The following UBR2 variants were observed in gnomAD, a reference collection of about 807,000 sequenced individuals.
The protein encoded by UBR2 is E3 ubiquitin-protein ligase UBR2.
Under a neutral mutation model 247.9 loss-of-function variants are expected in UBR2, and 92 were observed. The ratio of observed to expected loss-of-function variants is 0.37; its 90% CI spans 0.31 to 0.44. UBR2 has a LOEUF of 0.44. Among genes scored for constraint, UBR2 ranks in the 20% least tolerant of loss-of-function variants. UBR2 has a pLI of 1.00. For synonymous variants in UBR2, 672 were observed against 693.5 expected (o/e 0.97, Z 0.49); for missense variants, 1,613 against 2,112.6 (o/e 0.76, Z 4.64).
At chr6:42,608,207 A>G (rs550315201) in intron 7 of UBR2, among the ~76,000 whole-genome samples, 112 of 152,236 alleles carry the variant, frequency 7.4e-4, no homozygotes, top group African/African-American at 2.6e-3. Flanking sequence ...GCTTTACTAG[A>G]TTTTGCCTAG....
chr6:42,607,153 T>C (rs1308017483), intron 7 of UBR2, among the ~76,000 whole-genome samples: 1 of 151,678 alleles, frequency 6.6e-6, no homozygotes, highest in Non-Finnish European at 1.5e-5. Flanking sequence ...TATGTAAATA[T>C]TCTTTTTAAA....
chr6:42,603,756 T>C lies in UBR2; in HGVS notation c.662+38T>C. On this transcript the variant is annotated intron_variant, in intron 5 of 46. Coordinates refer to ENST00000372901, the MANE Select transcript of UBR2 (RefSeq NM_001363705.2). Reference sequence around the variant, plus strand: ...TGTTTATTCTTCATGTATGAAGAACTGCTAAATTTTAACTTTAACACAGCT... The same window carrying C: ...TGTTTATTCTTCATGTATGAAGAACCGCTAAATTTTAACTTTAACACAGCT... 3.9e-6 allele frequency: 6 copies of C among 1,552,846 alleles called. No homozygotes were observed. The South Asian group carries it at 5.0e-5, about 13-fold the overall frequency.
At chr6:42,633,642 C>T (rs1795898643) in intron 13 of UBR2, among the ~76,000 whole-genome samples, 1 of 152,084 alleles carries the variant, frequency 6.6e-6, no homozygotes, top group Non-Finnish European at 1.5e-5. Flanking sequence ...CCACCCACCT[C>T]AACCTCCCAG....
chr6:42,654,622 G>A (rs920908661), intron 25 of UBR2, among the ~76,000 whole-genome samples: 39 of 152,136 alleles, frequency 2.6e-4, no homozygotes, highest in African/African-American at 8.7e-4. Flanking sequence ...CTACTCAGGA[G>A]GGCTCAGGAG....
At chr6:42,687,615 A>G (rs1394291839) in intron 44 of UBR2, among the ~76,000 whole-genome samples, 2 of 152,080 alleles carry the variant, frequency 1.3e-5, no homozygotes, top group African/African-American at 2.4e-5. Flanking sequence ...ATCTTGGCTC[A>G]CAGCAACCTC....
At position 42,594,268 on chromosome 6, in the gene UBR2, A is replaced by G. The variant is rs1792835825; in HGVS notation, c.495A>G (p.Lys165=). 6.2e-7 allele frequency: 1 copy of G among 1,612,938 alleles called. No homozygotes were observed. The highest frequency in any genetic ancestry group is 1.3e-5 in the African/African-American group (1 of 75,020). ...EAWKEGPYCQ[K]HELNTSEIEE... ...GGAAAGAGGGTCCTTACTGTCAAAAACATGAACTTAACACCTCTGAAATTG... is the reference window on the plus strand; with the variant it reads ...GGAAAGAGGGTCCTTACTGTCAAAAGCATGAACTTAACACCTCTGAAATTG... The change falls in exon 4 of 47, where the codon AAA becomes AAG. Residue 165 remains lysine, a synonymous_variant. Transcript: ENST00000372901.
At chr6:42,619,453 A>ATTTATATTTTTTT (rs1554251970) in intron 11 of UBR2, 1 of 23,716 alleles carries the variant, frequency 4.2e-5, no homozygotes, top group Non-Finnish European at 8.4e-5. Flanking sequence ...ATATATATAT[A>ATTTATATTTTTTT]TTTTTTTTTT....
intron 43 of UBR2, among the ~76,000 whole-genome samples, chr6:42,683,971 A>G (rs754895345): frequency 1.6e-4 from 24 of 152,224 alleles, no homozygotes; most frequent in Non-Finnish European, 3.4e-4. Flanking sequence ...ACTAGAGATT[A>G]TCTGTCCTAT....
intron 11 of UBR2, among the ~76,000 whole-genome samples, chr6:42,627,679 A>G (rs1218466702): frequency 1.3e-5 from 2 of 149,434 alleles, no homozygotes; most frequent in African/African-American, 2.5e-5. Context: ...TTTTTTTTTT[A>G]TCTCTTATTT....
intron 16 of UBR2, among the ~76,000 whole-genome samples, chr6:42,641,318 G>T (rs1397417684): frequency 3.3e-5 from 5 of 151,882 alleles, no homozygotes; most frequent in Non-Finnish European, 7.4e-5. Flanking sequence ...ACAAAAATTG[G>T]CCAAGCGTGT....
In UBR2 at chr6:42,655,713, G is replaced by C; in HGVS notation, c.2862G>C (p.Gln954His). 1.3e-6 allele frequency: 2 copies of C among 1,535,728 alleles called. No homozygotes were observed. Among genetic ancestry groups the C allele is most frequent in the Non-Finnish European group, 1.7e-6 (2 of 1,150,434 alleles). ...EEHVVTFTFT[Q>H]KISKPGEAPK... ...ATGTAGTAACATTTACCTTCACTCA[G>C]AAGATATCAAGTATGTATATATCTT... The change falls in exon 26 of 47, where the codon CAG (glutamine) becomes CAC (histidine). Residue 954 changes from glutamine (Q) to histidine (H), a missense_variant. By Grantham distance (24) the Gln-to-His change is conservative. Around this residue, in one of 3 missense-constraint regions of UBR2, gnomAD observed 1,524 missense variants for 1,967.3 expected, o/e 0.77. Coordinates refer to ENST00000372901, the MANE Select transcript of UBR2 (RefSeq NM_001363705.2).
chr6:42,674,000 TTATA>T, intron 37 of UBR2, 113 bp downstream of exon 37: 1 of 1,295,520 alleles, frequency 7.7e-7, no homozygotes, highest in Non-Finnish European at 1.1e-6. Flanking sequence ...ACTGGTTTTC[TTATA>T]TATAAGCTCT....
At chr6:42,679,585 T>C in intron 41 of UBR2, 139 bp from the exon 42 acceptor site, 1 of 670,572 alleles carries the variant, frequency 1.5e-6, no homozygotes, top group Non-Finnish European at 2.6e-6. Context: ...TGTGCCATTC[T>C]GTTAACTTCC....
chr6:42,655,215 C>T (rs1582658133), intron 25 of UBR2, among the ~76,000 whole-genome samples: 1 of 152,116 alleles, frequency 6.6e-6, no homozygotes, highest in Admixed American at 6.5e-5. Context: ...TGGTGGCTCA[C>T]GCCTTTAATC....
At chr6:42,641,053 T>C (rs1796416656) in intron 16 of UBR2, among the ~76,000 whole-genome samples, 1 of 152,194 alleles carries the variant, frequency 6.6e-6, no homozygotes, top group Non-Finnish European at 1.5e-5. Flanking sequence ...ATGTTAATCA[T>C]GTGTAAAAAA....
chr6:42,583,921 G>A (rs989552593), intron 2 of UBR2, among the ~76,000 whole-genome samples: 1 of 151,884 alleles, frequency 6.6e-6, no homozygotes, highest in African/African-American at 2.4e-5. Flanking sequence ...GCTTGAGGTA[G>A]AGGTTAAGTT....
chr6:42,680,964 C>A (rs527537166), intron 42 of UBR2, among the ~76,000 whole-genome samples: 1 of 151,914 alleles, frequency 6.6e-6, no homozygotes, highest in African/African-American at 2.4e-5. Flanking sequence ...GAGATCGAGA[C>A]CATCCTGGCT....
At chr6:42,641,378 G>T (rs1264326047) in intron 16 of UBR2, among the ~76,000 whole-genome samples, 4 of 151,912 alleles carry the variant, frequency 2.6e-5, no homozygotes, top group Admixed American at 2.6e-4. Context: ...GCAGGAGAAT[G>T]GCTTGAACCT....
At chr6:42,627,412 T>A (rs1184580485) in intron 11 of UBR2, among the ~76,000 whole-genome samples, 2 of 152,186 alleles carry the variant, frequency 1.3e-5, no homozygotes, top group Non-Finnish European at 1.5e-5. Flanking sequence ...GTGGCTAATT[T>A]GTTGGTTTTA....
Sources: gnomAD v4.1 joint callset for allele counts (sites outside exome capture counted in the v4.1 genomes callset) on GRCh38, gnomAD v4.1.1 for gene constraint, gnomAD v4.1.1 regional missense constraint, MANE v1.5 for transcripts, NCBI Gene and HGNC (gene_info 2026-07-23, HGNC 2026-07-21) for gene names.